TP63: variants seen among roughly 807,000 people sequenced by gnomAD.
TP63 encodes the protein tumor protein p63, also known as tumor protein 63.
A neutral mutation model predicts 82.8 loss-of-function variants in TP63; 17 were observed. That is an observed-to-expected ratio of 0.21 (90% confidence interval 0.14 to 0.31). The LOEUF is 0.31. Among genes scored for constraint, TP63 ranks in the 10% least tolerant of loss-of-function variants. The pLI is 1.00. For synonymous variants in TP63, 330 were observed against 321.7 expected, an observed-to-expected ratio of 1.03 and a Z score of -0.28; for missense variants, 648 against 895.3, an observed-to-expected ratio of 0.72 and a Z score of 3.52.
At chr3:189,875,623 T>TACAC (rs1202284713) in intron 10 of TP63, among the ~76,000 whole-genome samples, 5 of 107,828 alleles carry the variant, frequency 4.6e-5, no homozygotes, top group African/African-American at 6.6e-5. Context: ...TATATATATA[T>TACAC]ATATATATAT....
intron 1 of TP63, among the ~76,000 whole-genome samples, chr3:189,676,622 G>A (rs769940229): frequency 1.3e-5 from 2 of 151,832 alleles, no homozygotes; most frequent in Admixed American, 6.6e-5. Context: ...GGGAGTACAC[G>A]TGGTACAGTT....
the TP63 span, among the ~76,000 whole-genome samples, chr3:189,619,494 A>G: frequency 1.3e-5 from 2 of 152,002 alleles, no homozygotes; most frequent in African/African-American, 4.8e-5. Flanking sequence ...TAACTACCAC[A>G]TTTTCAGTGG....
At position 189,763,049 on chromosome 3, in the gene TP63, T is replaced by C. The variant is rs140873077; in HGVS notation, c.324+24275T>C. Among the ~76,000 whole-genome samples, 799 of 152,260 alleles carry C rather than the reference T, an allele frequency of 5.2e-3. 7 individuals carry two copies. Among genetic ancestry groups the C allele is most frequent in the African/African-American group, 0.019 (777 of 41,548 alleles). ...ACTTTGGGAGGCCGAGGCAGGAGGA[T>C]AGCTTGAGCTTGGGAGTTCAAGATC... On this transcript the variant is annotated intron_variant, in intron 3 of 13. Transcript: ENST00000264731.
rs973252169 is a variant in TP63, at chr3:189,854,983, CAGA to C, written c.580-9243_580-9241del. Among the ~76,000 whole-genome samples, 184 of 152,218 alleles carry C rather than the reference CAGA, an allele frequency of 1.2e-3. 1 individual carries two copies. The highest frequency in any genetic ancestry group is 4.2e-3 in the African/African-American group (173 of 41,528). On this transcript the variant is annotated intron_variant, in intron 4 of 13. Coordinates refer to ENST00000264731, the MANE Select transcript of TP63 (RefSeq NM_003722.5). ...ATAAGGAAGGACATTTGAAATGCAG[CAGA>C]AGAAGTGAAAGTATTATTTGTAGTA... is the stretch of plus-strand genomic sequence containing the variant.
At chr3:189,661,011 A>C (rs180790874) in intron 1 of TP63, among the ~76,000 whole-genome samples, 7 of 152,060 alleles carry the variant, frequency 4.6e-5, no homozygotes, top group African/African-American at 9.7e-5. Flanking sequence ...GTGTAAAATC[A>C]TATCAGCAAA....
At chr3:189,882,727 C>T (rs1317340830) in intron 10 of TP63, among the ~76,000 whole-genome samples, 1 of 152,098 alleles carries the variant, frequency 6.6e-6, no homozygotes, top group Non-Finnish European at 1.5e-5. Flanking sequence ...GATATTCTAC[C>T]ACATAGATAG....
chr3:189,741,068 A>G (rs1042791356), intron 3 of TP63, among the ~76,000 whole-genome samples: 1 of 152,202 alleles, frequency 6.6e-6, no homozygotes, highest in African/African-American at 2.4e-5. Flanking sequence ...AGACAAAATG[A>G]AAACAAATGA....
intron 4 of TP63, among the ~76,000 whole-genome samples, chr3:189,826,383 A>G (rs573400088): frequency 1.7e-4 from 26 of 152,282 alleles, no homozygotes; most frequent in African/African-American, 6.3e-4. Flanking sequence ...GATTTTATGG[A>G]CACCGTGATG....
intron 1 of TP63, among the ~76,000 whole-genome samples, chr3:189,671,212 A>C (rs1456565323): frequency 6.6e-6 from 1 of 152,116 alleles, no homozygotes; most frequent in Non-Finnish European, 1.5e-5. Context: ...TATGATTTTA[A>C]TAATGGGCAA....
intron 4 of TP63, among the ~76,000 whole-genome samples, chr3:189,817,897 A>T (rs961884396): frequency 6.6e-6 from 1 of 151,972 alleles, no homozygotes; most frequent in Admixed American, 6.5e-5. Flanking sequence ...TTACTGGGTC[A>T]TGAGAAGAAA....
At chr3:189,604,208 A>G in the TP63 span, among the ~76,000 whole-genome samples, 4 of 152,298 alleles carry the variant, frequency 2.6e-5, no homozygotes, top group Non-Finnish European at 4.4e-5. Context: ...AAATTGTTTC[A>G]CTTCTCTTGG....
At chr3:189,827,863 G>A (rs1711644740) in intron 4 of TP63, among the ~76,000 whole-genome samples, 1 of 152,132 alleles carries the variant, frequency 6.6e-6, no homozygotes, top group Non-Finnish European at 1.5e-5. Context: ...ATGTTCTGTT[G>A]GAGGAAGCTA....
At position 189,651,321 on chromosome 3, in the gene TP63, G is replaced by A. The variant is rs770768498; in HGVS notation, c.62+19744G>A. On this transcript the variant is annotated intron_variant, in intron 1 of 13. Transcript: ENST00000264731. ...AGCACTTTGGGAGGCCAAGGCAGGT[G>A]GATAACTTGAGGTCAGGAGTTCAAG... 1.1e-4 allele frequency among the ~76,000 whole-genome samples: 16 copies of A among 146,450 alleles called. 2 individuals are homozygous for A. The South Asian group carries it at 1.6e-3, about 14-fold the overall frequency.
At chr3:189,823,557 C>A (rs186835537) in intron 4 of TP63, among the ~76,000 whole-genome samples, 1 of 152,168 alleles carries the variant, frequency 6.6e-6, no homozygotes, top group Non-Finnish European at 1.5e-5. Context: ...TTGCTGAAGT[C>A]ACTACTCCAA....
At chr3:189,627,572 G>A (rs2108598097), upstream of TP63, among the ~76,000 whole-genome samples, 1 of 152,284 alleles carries the variant, frequency 6.6e-6, no homozygotes, top group East Asian at 1.9e-4. Flanking sequence ...TAGCTCTTCA[G>A]TAGCGTTAGC....
At chr3:189,882,899 C>T (rs1038057127) in intron 10 of TP63, among the ~76,000 whole-genome samples, 1 of 152,158 alleles carries the variant, frequency 6.6e-6, no homozygotes, top group Admixed American at 6.6e-5. Flanking sequence ...TTCTTCAAAG[C>T]TGGAAATACG....
intron 4 of TP63, among the ~76,000 whole-genome samples, chr3:189,835,922 A>C (rs1213157426): frequency 3.2e-5 from 1 of 31,324 alleles, no homozygotes; most frequent in Non-Finnish European, 1.1e-4. Context: ...TCAAAATAAT[A>C]ATAATAATAA....
chr3:189,835,958 A>G (rs916455453), intron 4 of TP63, among the ~76,000 whole-genome samples: 4 of 129,578 alleles, frequency 3.1e-5, no homozygotes, highest in South Asian at 4.8e-4. Context: ...TAATAATAAT[A>G]ATAATAATAA....
rs570056566 is a variant in TP63 at position 189,889,685 on chromosome 3, G to A, written c.1652+201G>A. 4.6e-5 allele frequency among the ~76,000 whole-genome samples: 7 copies of A among 152,342 alleles called. No homozygotes were observed. The South Asian group carries it at 1.5e-3, about 32-fold the overall frequency. The stretch of plus-strand genomic sequence containing the variant: ...ACTACTATAACCAGCATGGAAACAA[G>A]GGAAAGTGTCTGTTGATAGGCATAT... On this transcript the variant is annotated intron_variant, in intron 12 of 13. Coordinates refer to ENST00000264731, the MANE Select transcript of TP63 (RefSeq NM_003722.5).
Sources: gnomAD v4.1 joint callset for allele counts (sites outside exome capture counted in the v4.1 genomes callset) on GRCh38, gnomAD v4.1.1 for gene constraint, MANE v1.5 for transcripts, NCBI Gene and HGNC (gene_info 2026-07-23, HGNC 2026-07-21) for gene names.